ZNF98: variants seen among roughly 807,000 people sequenced by gnomAD.
The protein encoded by ZNF98 is zinc finger protein 98, also known as zinc finger protein 739.
ZNF98 carries 8 observed loss-of-function variants against 12.8 expected under a neutral mutation model. The ratio of observed to expected loss-of-function variants is 0.63; its 90% CI spans 0.37 to 1.13. ZNF98 has a LOEUF of 1.13. Ranked by LOEUF, ZNF98 falls within the 50% of genes most tolerant of loss-of-function variation. The pLI is 0.01. For missense variants in ZNF98, 379 were observed against 666.1 expected (o/e 0.57, Z 4.74); for synonymous variants, 112 against 223.5 (o/e 0.50, Z 4.45).
chr19:22,393,105 C>G, intron 3 of ZNF98, 124 bp from the exon 4 acceptor site: 1 of 992,242 alleles, frequency 1.0e-6, no homozygotes, highest in Non-Finnish European at 1.4e-6. Context: ...ATTACACGCT[C>G]TAACATTTTC....
At chr19:22,410,780 T>C (rs941148242) in intron 1 of ZNF98, among the ~76,000 whole-genome samples, 2 of 152,176 alleles carry the variant, frequency 1.3e-5, no homozygotes, top group African/African-American at 4.8e-5. Flanking sequence ...TCTGCAGGTA[T>C]GGAAAGGGTC....
chr19:22,400,020 G>C (rs1418964927), intron 3 of ZNF98, among the ~76,000 whole-genome samples: 1 of 152,134 alleles, frequency 6.6e-6, no homozygotes, highest in Non-Finnish European at 1.5e-5. Context: ...TCTTCAGAAG[G>C]CAGGCTTTCA....
intron 1 of ZNF98, among the ~76,000 whole-genome samples, chr19:22,415,272 T>C (rs1003985080): frequency 1.3e-5 from 2 of 152,136 alleles, no homozygotes; most frequent in Non-Finnish European, 2.9e-5. Context: ...GAGTGTAAAT[T>C]AGTTCATTAT....
intron 1 of ZNF98, among the ~76,000 whole-genome samples, chr19:22,416,279 G>C (rs1245778383): frequency 1.3e-5 from 2 of 150,952 alleles, no homozygotes; most frequent in Non-Finnish European, 2.9e-5. Flanking sequence ...GACCATCTGG[G>C]CTAACACGGT....
rs1287415767 is a variant in ZNF98 at position 22,399,689 on chromosome 19, A to T, written c.253+3100T>A. 2.0e-5 allele frequency among the ~76,000 whole-genome samples: 3 copies of T among 152,200 alleles called. 1 individual carries two copies. In the South Asian group the frequency reaches 6.2e-4, roughly 32 times the overall value. ...TATTGTCCTAAATGTCTAAATCTAA[A>T]ACTACTGACAAAATTGAAATAGAAA... On this transcript the variant is annotated intron_variant, in intron 3 of 3. Transcript: ENST00000357774.
intron 1 of ZNF98, among the ~76,000 whole-genome samples, chr19:22,419,028 G>A (rs1969675641): frequency 6.6e-6 from 1 of 152,108 alleles, no homozygotes; most frequent in South Asian, 2.1e-4. Context: ...CCTTCCTAAG[G>A]ACATGCTGAG....
chr19:22,419,425 G>C (rs1322839291), intron 1 of ZNF98, among the ~76,000 whole-genome samples: 1 of 152,010 alleles, frequency 6.6e-6, no homozygotes, highest in Non-Finnish European at 1.5e-5. Context: ...CTGCGAGAGA[G>C]GCTCTTCAGA....
At chr19:22,415,351 C>T (rs1417447972) in intron 1 of ZNF98, among the ~76,000 whole-genome samples, 2 of 152,120 alleles carry the variant, frequency 1.3e-5, no homozygotes, top group Non-Finnish European at 2.9e-5. Context: ...ACCTCAAAAT[C>T]GGGCATATAC....
chr19:22,396,056 A>C (rs929813925), intron 3 of ZNF98, among the ~76,000 whole-genome samples: 4 of 151,124 alleles, frequency 2.6e-5, no homozygotes, highest in Non-Finnish European at 4.4e-5. Context: ...TTAAAAAAAA[A>C]CACATAATCA....
chr19:22,402,367 A>C, intron 3 of ZNF98: 2 of 393,876 alleles, frequency 5.1e-6, no homozygotes, highest in Non-Finnish European at 8.9e-6. Context: ...ATTAGCAATA[A>C]AAAACCAATG....
At chr19:22,399,241 A>G (rs148509488) in intron 3 of ZNF98, among the ~76,000 whole-genome samples, 2,861 of 152,308 alleles carry the variant, frequency 0.019, 94 homozygotes, top group African/African-American at 0.065. Context: ...GTACTCATTG[A>G]AGGTGGCTAT....
At position 22,392,957 on chromosome 19, in the gene ZNF98, T is replaced by A. The variant is rs760853633; in HGVS notation, c.278A>T (p.Asp93Val). The A allele has an allele frequency of 6.5e-7, 1 of 1,542,202 alleles. No homozygotes were observed. Among genetic ancestry groups the A allele is most frequent in the Admixed American group, 2.2e-5 (1 of 45,798 alleles). Residue 93 changes from aspartate (D) to valine (V), a missense_variant, in exon 4 of 4, where the codon GAC (aspartate) becomes GTC (valine). Physicochemically the swap from Asp to Val is radical, Grantham distance 152. This residue lies in a region of ZNF98 where 223 missense variants were observed against 261.6 expected (regional missense o/e 0.85). Coordinates refer to ENST00000357774, the MANE Select transcript of ZNF98 (RefSeq NM_001098626.2). Reference protein sequence around the residue: ...PPVVYSYFAQDLWPKQGKKNY... With the variant: ...PPVVYSYFAQVLWPKQGKKNY... Reference sequence around the variant, plus strand: ...TTTTTTGCCCTGCTTTGGCCAAAGGTCTTGGGCAAAATAAGAATATACAAC... The same window carrying A: ...TTTTTTGCCCTGCTTTGGCCAAAGGACTTGGGCAAAATAAGAATATACAAC...
At chr19:22,394,747 C>T (rs572449824) in intron 3 of ZNF98, among the ~76,000 whole-genome samples, 17 of 152,156 alleles carry the variant, frequency 1.1e-4, no homozygotes, top group African/African-American at 4.1e-4. Context: ...ACCTATGTAA[C>T]ATAACTGCAC....
chr19:22,420,428 A>AG (rs1969691424), intron 1 of ZNF98, among the ~76,000 whole-genome samples: 1 of 152,094 alleles, frequency 6.6e-6, no homozygotes, highest in South Asian at 2.1e-4. Context: ...TAGAGCATTT[A>AG]GGGGGCAGAA....
Position 22,392,744 on chromosome 19 carries a change from T to A in ZNF98, c.491A>T (p.His164Leu), listed in dbSNP as rs780500984. Residue 164 changes from histidine to leucine, a missense_variant, in exon 4 of 4, where the codon CAT becomes CTT. His to Leu is a moderately conservative substitution (Grantham distance 99, BLOSUM62 -3). This residue lies in a region of ZNF98 where 223 missense variants were observed against 261.6 expected (regional missense o/e 0.85). Coordinates refer to ENST00000357774, the MANE Select transcript of ZNF98 (RefSeq NM_001098626.2). ...ATGTCTGTTTGAATTTGAAAATTTA[T>A]GAAAGACTTTCACATATTTGTCATA... ...FQYDKYVKVF[H>L]KFSNSNRHKI... 6.2e-7 allele frequency: 1 copy of A among 1,608,550 alleles called. No individual in the cohort carries two copies. The highest frequency in any genetic ancestry group is 8.5e-7 in the Non-Finnish European group (1 of 1,177,252).
chr19:22,403,720 C>T (rs1046419928), intron 1 of ZNF98, among the ~76,000 whole-genome samples: 3 of 152,300 alleles, frequency 2.0e-5, no homozygotes, highest in East Asian at 1.9e-4. Flanking sequence ...TCCACAACAT[C>T]GAGGTATAGA....
chr19:22,406,797 A>G (rs1460508055), intron 1 of ZNF98, among the ~76,000 whole-genome samples: 1 of 149,098 alleles, frequency 6.7e-6, no homozygotes, highest in African/African-American at 2.5e-5. Context: ...AGCCTGGGCA[A>G]CAGAGCAAGA....
intron 1 of ZNF98, among the ~76,000 whole-genome samples, chr19:22,421,575 C>T (rs1245814779): frequency 6.6e-6 from 1 of 152,164 alleles, no homozygotes; most frequent in African/African-American, 2.4e-5. Context: ...GTTCTGATTA[C>T]ACAACCAGGA....
At chr19:22,411,915 C>A (rs1246824340) in intron 1 of ZNF98, among the ~76,000 whole-genome samples, 1 of 152,076 alleles carries the variant, frequency 6.6e-6, no homozygotes, top group Non-Finnish European at 1.5e-5. Flanking sequence ...GATGGGTGCA[C>A]ACAAATAAAT....
Sources: gnomAD v4.1 joint callset for allele counts (sites outside exome capture counted in the v4.1 genomes callset) on GRCh38, gnomAD v4.1.1 for gene constraint, gnomAD v4.1.1 regional missense constraint, MANE v1.5 for transcripts, NCBI Gene and HGNC (gene_info 2026-07-23, HGNC 2026-07-21) for gene names.